The following DISC1 variants were observed in gnomAD, a reference collection of about 807,000 sequenced individuals.
DISC1 encodes the protein DISC1 scaffold protein, also known as disrupted in schizophrenia 1 protein.
Under a neutral mutation model 84.5 loss-of-function variants are expected in DISC1, and 57 were observed. The ratio of observed to expected loss-of-function variants is 0.67; its 90% CI spans 0.55 to 0.84. The LOEUF (loss-of-function observed/expected upper bound fraction) is 0.84. DISC1 is among the 40% of genes least tolerant of loss of function. The pLI is 0.00. For synonymous variants in DISC1, 411 were observed against 415.2 expected, an observed-to-expected ratio of 0.99 and a Z score of 0.12; for missense variants, 1,000 against 1,057.8, an observed-to-expected ratio of 0.95 and a Z score of 0.76.
chr1:231,720,237 G>T (rs200937196), intron 3 of DISC1, among the ~76,000 whole-genome samples: 8 of 152,108 alleles, frequency 5.3e-5, no homozygotes, highest in African/African-American at 1.9e-4. Flanking sequence ...TTGGTTACTC[G>T]CAGGTACCCC....
chr1:231,651,159 A>AT (rs1345788536), intron 1 of DISC1, among the ~76,000 whole-genome samples: 1 of 151,598 alleles, frequency 6.6e-6, no homozygotes, highest in Non-Finnish European at 1.5e-5. Context: ...GGTTTTTAGG[A>AT]TTTTCAGCTT....
intron 9 of DISC1, among the ~76,000 whole-genome samples, chr1:231,929,578 TTAAA>T (rs776773213): frequency 2.0e-5 from 3 of 152,152 alleles, no homozygotes; most frequent in Non-Finnish European, 4.4e-5. Flanking sequence ...AGCCTGCTCT[TTAAA>T]TATGCAAGTC....
intron 9 of DISC1, among the ~76,000 whole-genome samples, chr1:231,857,961 A>C (rs1408305345): frequency 6.6e-6 from 1 of 152,190 alleles, no homozygotes; most frequent in African/African-American, 2.4e-5. Flanking sequence ...ATAGGGAGAA[A>C]AACATCAGCT....
chr1:231,633,645 A>G (rs2058933412), intron 1 of DISC1, among the ~76,000 whole-genome samples: 1 of 152,190 alleles, frequency 6.6e-6, no homozygotes, highest in Non-Finnish European at 1.5e-5. Flanking sequence ...AGAGCTGTAC[A>G]TGTCTAGGAT....
chr1:231,890,606 G>C (rs756385238), intron 9 of DISC1, among the ~76,000 whole-genome samples: 1 of 152,220 alleles, frequency 6.6e-6, no homozygotes, highest in Non-Finnish European at 1.5e-5. Flanking sequence ...AGTGTAATAG[G>C]TGCTGGGTTT....
chr1:231,811,772 A>G (rs934491650), intron 8 of DISC1, among the ~76,000 whole-genome samples: 1 of 152,202 alleles, frequency 6.6e-6, no homozygotes, highest in Admixed American at 6.5e-5. Flanking sequence ...TAAGTCACTT[A>G]TTGACATGAG....
chr1:231,735,677 T>C (rs2072382921), intron 3 of DISC1, among the ~76,000 whole-genome samples: 1 of 152,222 alleles, frequency 6.6e-6, no homozygotes, highest in Non-Finnish European at 1.5e-5. Flanking sequence ...GAGTAACCAC[T>C]CTCTCGTGGG....
At chr1:231,863,594 T>A (rs1281491686) in intron 9 of DISC1, among the ~76,000 whole-genome samples, 1 of 152,186 alleles carries the variant, frequency 6.6e-6, no homozygotes, top group East Asian at 1.9e-4. Context: ...AACCATTGCT[T>A]TTAATAACAC....
At chr1:231,905,486 G>A (rs2088562963) in intron 9 of DISC1, among the ~76,000 whole-genome samples, 1 of 151,900 alleles carries the variant, frequency 6.6e-6, no homozygotes, top group Non-Finnish European at 1.5e-5. Flanking sequence ...GCCTGGCGTG[G>A]TGATGCACAC....
chr1:231,736,035 A>T (rs2793097), intron 3 of DISC1, among the ~76,000 whole-genome samples: 99,855 of 151,974 alleles, frequency 0.66, 34,816 homozygotes, highest in Non-Finnish European at 0.78. Flanking sequence ...TCTGATCTTG[A>T]ATTTCTGAGC....
chr1:231,646,941 T>C lies in DISC1; in HGVS notation c.67+20007T>C, dbSNP rs544019697. On this transcript the variant is annotated intron_variant, in intron 1 of 12. Transcript: ENST00000439617. ...TTTTTTCTTGTACATTTGTTTAAGT[T>C]CTTTGTAGATTCTGGATATTAGCCC... Among the ~76,000 whole-genome samples, 3 of 152,360 alleles carry C rather than the reference T, an allele frequency of 2.0e-5. No homozygotes were observed. The South Asian group carries it at 6.2e-4, about 32-fold the overall frequency.
At chr1:231,776,539 G>A (rs1225712057) in intron 6 of DISC1, among the ~76,000 whole-genome samples, 1 of 152,174 alleles carries the variant, frequency 6.6e-6, no homozygotes, top group Non-Finnish European at 1.5e-5. Flanking sequence ...CTCGCGGGTG[G>A]AGAGGAGCCA....
chr1:231,879,508 T>A (rs948567177), intron 9 of DISC1, among the ~76,000 whole-genome samples: 1 of 151,898 alleles, frequency 6.6e-6, no homozygotes, highest in Non-Finnish European at 1.5e-5. Context: ...TGGCCTCCTG[T>A]GAGCAGAATG....
chr1:231,841,089 A>G (rs1450566406), intron 9 of DISC1, among the ~76,000 whole-genome samples: 1 of 152,200 alleles, frequency 6.6e-6, no homozygotes, highest in Non-Finnish European at 1.5e-5. Flanking sequence ...GAGGCCTGAC[A>G]TGATGCTCAA....
intron 11 of DISC1, among the ~76,000 whole-genome samples, chr1:232,010,407 C>T (rs966649283): frequency 4.6e-5 from 7 of 152,082 alleles, no homozygotes; most frequent in Admixed American, 1.3e-4. Context: ...GTCTGGCTTT[C>T]CAAAGTGAGC....
intron 9 of DISC1, among the ~76,000 whole-genome samples, chr1:231,931,827 T>A (rs2090681093): frequency 6.6e-6 from 1 of 152,048 alleles, no homozygotes; most frequent in East Asian, 1.9e-4. Context: ...AAAAAAAATT[T>A]TTTTTTTATA....
chr1:231,910,302 G>A lies in DISC1; in HGVS notation c.1982-48526G>A, dbSNP rs546332335. Among the ~76,000 whole-genome samples the A allele has an allele frequency of 2.6e-5, 4 of 152,216 alleles. No homozygotes were observed. In the East Asian group the frequency reaches 7.7e-4, roughly 29 times the overall value. ...TTTTAGAGCTTTCCTGCTTTCTCTT[G>A]TGGGCATGTAGTGCTATAAATTTCC... On this transcript the variant is annotated intron_variant, in intron 9 of 12. Coordinates refer to ENST00000439617, the MANE Select transcript of DISC1 (RefSeq NM_018662.3).
intron 9 of DISC1, among the ~76,000 whole-genome samples, chr1:231,883,453 G>T (rs1386760948): frequency 1.3e-5 from 2 of 152,160 alleles, no homozygotes; most frequent in Non-Finnish European, 2.9e-5. Flanking sequence ...TGATGAGGTT[G>T]GTGTGAGTGG....
intron 11 of DISC1, among the ~76,000 whole-genome samples, chr1:232,020,281 G>A (rs1043741342): frequency 5.3e-5 from 8 of 152,086 alleles, no homozygotes; most frequent in South Asian, 2.1e-4. Flanking sequence ...GGCAGAGGTC[G>A]CAGTGAGCCG....
Sources: gnomAD v4.1 joint callset for allele counts (sites outside exome capture counted in the v4.1 genomes callset) on GRCh38, gnomAD v4.1.1 for gene constraint, MANE v1.5 for transcripts, NCBI Gene and HGNC (gene_info 2026-07-23, HGNC 2026-07-21) for gene names.